Variants in PARP1 observed in about 807,000 individuals in gnomAD.
The protein encoded by PARP1 is poly [ADP-ribose] polymerase 1.
PARP1 carries 44 observed loss-of-function variants against 118.7 expected under a neutral mutation model. That is an observed-to-expected ratio of 0.37 (90% CI 0.29 to 0.48). The LOEUF (loss-of-function observed/expected upper bound fraction) is 0.48, where lower values mean the gene tolerates loss of function less well. PARP1 is among the 20% of genes least tolerant of loss of function. The pLI, the probability that PARP1 is intolerant of heterozygous loss-of-function variation, is 0.99. For missense variants in PARP1, 1,100 were observed against 1,272.4 expected, an observed-to-expected ratio of 0.86 and a Z score of 2.06; for synonymous variants, 492 against 483.2, an observed-to-expected ratio of 1.02 and a Z score of -0.24.
chr1:226,387,636 G>T (rs1664742014), intron 5 of PARP1, among the ~76,000 whole-genome samples: 1 of 152,194 alleles, frequency 6.6e-6, no homozygotes, highest in Non-Finnish European at 1.5e-5. Context: ...TGAGGAAAAG[G>T]TCTAGTGATA....
At chr1:226,365,837 T>A in intron 18 of PARP1, 117 bp downstream of exon 18, 1 of 724,926 alleles carries the variant, frequency 1.4e-6, no homozygotes, top group Non-Finnish European at 2.5e-6. Flanking sequence ...ATGAGTCACT[T>A]CTTTGGGTTA....
At chr1:226,407,516 A>T (rs1175898218) in intron 1 of PARP1, among the ~76,000 whole-genome samples, 1 of 152,114 alleles carries the variant, frequency 6.6e-6, no homozygotes, top group Non-Finnish European at 1.5e-5. Flanking sequence ...GGCAGTAATA[A>T]AACACCGCCA....
At chr1:226,362,242 A>G in intron 21 of PARP1, 159 bp from the exon 22 acceptor site, 3 of 609,744 alleles carry the variant, frequency 4.9e-6, no homozygotes, top group Non-Finnish European at 5.9e-6. Context: ...CCGGAGTGCA[A>G]TGGTGTGACT....
chr1:226,379,540 C>T (rs3219080), intron 11 of PARP1, 33 bp downstream of exon 11: 34,277 of 1,570,500 alleles, frequency 0.022, 453 homozygotes, highest in South Asian at 0.031. Context: ...GGGGGCGGCA[C>T]AGCCCACTTT....
chr1:226,396,324 C>T (rs1192655929), intron 2 of PARP1, among the ~76,000 whole-genome samples: 15 of 149,754 alleles, frequency 1.0e-4, no homozygotes, highest in Admixed American at 6.0e-4. Context: ...CCAACCTGGG[C>T]GACAGAGCAA....
Position 226,366,068 on chromosome 1 carries a change from C to G in PARP1, c.2407-16G>C. On this transcript the variant is annotated splice_polypyrimidine_tract_variant and intron_variant, in intron 17 of 22. Transcript: ENST00000366794. ...TGTCAACCACCTGGATAAACAGAATCTTGGGATTAGCACAAAAGAGACCCA... is the reference window on the plus strand; with the variant it reads ...TGTCAACCACCTGGATAAACAGAATGTTGGGATTAGCACAAAAGAGACCCA... 1 of 1,573,340 alleles carries G rather than the reference C, an allele frequency of 6.4e-7. No individual in the cohort carries two copies. Among genetic ancestry groups the G allele is most frequent in the Non-Finnish European group, 8.7e-7 (1 of 1,142,866 alleles).
intron 2 of PARP1, among the ~76,000 whole-genome samples, chr1:226,401,751 T>C (rs1326401501): frequency 2.0e-5 from 3 of 152,164 alleles, no homozygotes; most frequent in Non-Finnish European, 2.9e-5. Context: ...GGCAGATGCA[T>C]GTCATCATAC....
At chr1:226,370,690 TGAGGG>T in intron 14 of PARP1, 173 bp from the exon 15 acceptor site, 1 of 668,434 alleles carries the variant, frequency 1.5e-6, no homozygotes, top group South Asian at 1.6e-5. Context: ...CACCCCACCA[TGAGGG>T]ATGGCAGTGT....
At chr1:226,400,245 G>A (rs1665006670) in intron 2 of PARP1, among the ~76,000 whole-genome samples, 1 of 152,152 alleles carries the variant, frequency 6.6e-6, no homozygotes, top group Non-Finnish European at 1.5e-5. Context: ...GTGGCAGTGA[G>A]CCAAGACCAT....
chr1:226,397,872 A>G (rs969500700), intron 2 of PARP1, among the ~76,000 whole-genome samples: 4 of 152,076 alleles, frequency 2.6e-5, no homozygotes, highest in African/African-American at 7.2e-5. Context: ...AGCACAGTCC[A>G]CTGATCTTTG....
Position 226,403,400 on chromosome 1 carries a change from G to A in PARP1, c.121-1021C>T, listed in dbSNP as rs998249278. 1.2e-4 allele frequency among the ~76,000 whole-genome samples: 19 copies of A among 152,310 alleles called. No homozygotes were observed. The South Asian group carries it at 3.3e-3, about 27-fold the overall frequency. The stretch of plus-strand genomic sequence containing the variant: ...TCACCATGTTGGCCAGGCTGGTCTC[G>A]AACTTCTGACCTCGTGACCCGCCCG... On this transcript the variant is annotated intron_variant, in intron 1 of 22. Transcript: ENST00000366794.
intron 1 of PARP1, among the ~76,000 whole-genome samples, chr1:226,405,044 G>A (rs3768347): frequency 0.23 from 35,295 of 152,124 alleles, 4,987 homozygotes; most frequent in African/African-American, 0.39. Context: ...GGGCTAAAGT[G>A]TCAGGTATCA....
intron 13 of PARP1, among the ~76,000 whole-genome samples, chr1:226,376,364 G>GT (rs1664487156): frequency 6.6e-6 from 1 of 152,234 alleles, no homozygotes; most frequent in Non-Finnish European, 1.5e-5. Flanking sequence ...GCTAACAGAT[G>GT]TAAGGAGACG....
At position 226,392,917 on chromosome 1, in the gene PARP1, C is replaced by G. The variant is rs754532208; in HGVS notation, c.287-603G>C. 5 of 1,563,928 alleles carry G rather than the reference C, an allele frequency of 3.2e-6. No homozygotes were observed. In the African/African-American group the frequency reaches 7.0e-5, roughly 22 times the overall value. On this transcript the variant is annotated intron_variant, in intron 2 of 22. Coordinates refer to ENST00000366794, the MANE Select transcript of PARP1 (RefSeq NM_001618.4). ...AATTCCCAGGTTGAATGTTTCTTGCCTAAGATTAGGAATAAGACGAAGCTA... is the reference window on the plus strand; with the variant it reads ...AATTCCCAGGTTGAATGTTTCTTGCGTAAGATTAGGAATAAGACGAAGCTA...
intron 2 of PARP1, among the ~76,000 whole-genome samples, chr1:226,396,895 T>C (rs1483970649): frequency 6.6e-6 from 1 of 152,062 alleles, no homozygotes. Context: ...AGATTATCTA[T>C]GTACTCAGGT....
At chr1:226,375,718 T>C (rs1052319678) in intron 13 of PARP1, among the ~76,000 whole-genome samples, 8 of 152,246 alleles carry the variant, frequency 5.3e-5, no homozygotes, top group Non-Finnish European at 1.2e-4. Flanking sequence ...ATTAATTTCA[T>C]TGGCTTCTTG....
intron 15 of PARP1, among the ~76,000 whole-genome samples, chr1:226,369,572 T>G (rs561386595): frequency 6.6e-6 from 1 of 152,354 alleles, no homozygotes; most frequent in South Asian, 2.1e-4. Flanking sequence ...GCGGGTCCAC[T>G]TATACACAGA....
rs567632721 is a variant in PARP1, at chr1:226,383,062, G to T, written c.1133C>A (p.Ala378Asp). The T allele has an allele frequency of 1.9e-6, 3 of 1,612,918 alleles. No individual in the cohort carries two copies. Among genetic ancestry groups the T allele is most frequent in the Non-Finnish European group, 2.5e-6 (3 of 1,180,022 alleles). ...TPPPSTASAP[A>D]AVNSSASADK... is the part of the protein sequence containing the mutation. Reference sequence around the variant, plus strand: ...TGCTGAAGCAGAGGAGTTCACAGCAGCAGGAGCCGAGGCTGTGGAGGGCGG... The same window carrying T: ...TGCTGAAGCAGAGGAGTTCACAGCATCAGGAGCCGAGGCTGTGGAGGGCGG... The change falls in exon 8 of 23, where the codon GCT becomes GAT. Residue 378 changes from alanine to aspartate, a missense_variant. Transcript: ENST00000366794.
chr1:226,382,972 CA>C, intron 8 of PARP1, 63 bp downstream of exon 8: 2 of 1,548,772 alleles, frequency 1.3e-6, no homozygotes, highest in South Asian at 2.2e-5. Context: ...TCCACACCAC[CA>C]GCAAGTAGTG....
Sources: allele counts gnomAD v4.1 joint callset (sites outside exome capture counted in the v4.1 genomes callset), GRCh38; gene constraint gnomAD v4.1.1; transcripts MANE v1.5; gene names NCBI Gene and HGNC (gene_info 2026-07-23, HGNC 2026-07-21).